Variants in RORA observed in about 807,000 individuals in gnomAD.
The protein encoded by RORA is RAR related orphan receptor A.
Under a neutral mutation model 69.5 loss-of-function variants are expected in RORA, and 7 were observed. The observed-to-expected ratio is 0.10, with a 90% CI of 0.06 to 0.19. RORA has a LOEUF of 0.19. Ranked by LOEUF, RORA falls within the 10% of genes least tolerant of loss-of-function variation. RORA has a pLI of 1.00. For synonymous variants in RORA, 261 were observed against 240.8 expected (o/e 1.08, Z -0.78); for missense variants, 457 against 663.0 (o/e 0.69, Z 3.41).
At chr15:61,160,431 C>T (rs561199490) in intron 1 of RORA, among the ~76,000 whole-genome samples, 1 of 152,312 alleles carries the variant, frequency 6.6e-6, no homozygotes, top group African/African-American at 2.4e-5. Context: ...ACATTTCACA[C>T]TATAGCTATC....
At chr15:60,650,161 A>C (rs1163492375) in intron 2 of RORA, among the ~76,000 whole-genome samples, 1 of 151,890 alleles carries the variant, frequency 6.6e-6, no homozygotes, top group Non-Finnish European at 1.5e-5. Context: ...GAGAAAAAGC[A>C]TTTTCCTTTT....
In RORA at chr15:60,667,774, C is replaced by T. The variant is rs117220108; in HGVS notation, c.196+10883G>A. On this transcript the variant is annotated intron_variant, in intron 2 of 10. Coordinates refer to ENST00000335670, the MANE Select transcript of RORA (RefSeq NM_134261.3). ...AGCTGGGACTATAGGCATGCACCCC[C>T]ATACCCAGCTAATTTTCTTTTTATT... 6.1e-3 allele frequency among the ~76,000 whole-genome samples: 931 copies of T among 152,064 alleles called. 44 individuals carry two copies. In the East Asian group the frequency reaches 0.091, roughly 15 times the overall value.
At chr15:61,008,924 A>T (rs912786616) in intron 1 of RORA, among the ~76,000 whole-genome samples, 9 of 152,186 alleles carry the variant, frequency 5.9e-5, no homozygotes, top group African/African-American at 2.2e-4. Flanking sequence ...ATTTGATGAA[A>T]TTAGAAAGAC....
intron 1 of RORA, among the ~76,000 whole-genome samples, chr15:60,907,982 G>A (rs529414499): frequency 1.4e-4 from 22 of 152,278 alleles, no homozygotes; most frequent in Middle Eastern, 3.4e-3. Flanking sequence ...ACTCAAAGAC[G>A]CCTGGTTCCA....
chr15:60,937,969 G>A (rs1193923009), intron 1 of RORA, among the ~76,000 whole-genome samples: 1 of 152,108 alleles, frequency 6.6e-6, no homozygotes, highest in Non-Finnish European at 1.5e-5. Context: ...ACCTCATGAG[G>A]TGGATCATAT....
chr15:60,860,196 TAG>T lies in RORA; in HGVS notation c.167-181512_167-181511del, dbSNP rs748206308. Among the ~76,000 whole-genome samples, 128 of 152,312 alleles carry T rather than the reference TAG, an allele frequency of 8.4e-4. 2 individuals are homozygous for T. The highest frequency in any genetic ancestry group is 3.9e-4 in the East Asian group (2 of 5,190). ...AAGTTCAGATGACCATGCAAACCTT[TAG>T]ATGGGGCCTAAAACCAAATCTGTGT... On this transcript the variant is annotated intron_variant, in intron 1 of 10. Transcript: ENST00000335670.
chr15:61,139,677 G>A (rs777931891), intron 1 of RORA, among the ~76,000 whole-genome samples: 7 of 152,158 alleles, frequency 4.6e-5, no homozygotes, highest in South Asian at 2.1e-4. Context: ...GAGCTTCAGC[G>A]GAACCCCTTG....
rs563008444 is a variant in RORA, at chr15:60,993,559, C to T, written c.166+235494G>A. ...TCTGGAGGCTGAGGCAGGAGAATTGCTTGAACCCAGGGGGCGGAGGTTGCA... is the reference window on the plus strand; with the variant it reads ...TCTGGAGGCTGAGGCAGGAGAATTGTTTGAACCCAGGGGGCGGAGGTTGCA... On this transcript the variant is annotated intron_variant, in intron 1 of 10. Coordinates refer to ENST00000335670, the MANE Select transcript of RORA (RefSeq NM_134261.3). Among the ~76,000 whole-genome samples the T allele has an allele frequency of 1.5e-3, 214 of 143,754 alleles. 1 individual carries two copies. The highest frequency in any genetic ancestry group is 5.4e-3 in the African/African-American group (207 of 38,606). The allele number at this position is 143,754 out of a possible 152,430, so 94.3% of individuals were successfully genotyped here.
chr15:60,645,801 T>G (rs1375415164), intron 2 of RORA, among the ~76,000 whole-genome samples: 3 of 142,300 alleles, frequency 2.1e-5, no homozygotes, highest in Admixed American at 6.9e-5. Context: ...AATAGGGTTT[T>G]TTTTTTTTTT....
intron 1 of RORA, chr15:60,706,233 T>C (rs138347577): frequency 9.2e-5 from 14 of 152,356 alleles, no homozygotes; most frequent in African/African-American, 1.7e-4. Flanking sequence ...CCACATTACC[T>C]GACTTCCAGC....
intron 1 of RORA, among the ~76,000 whole-genome samples, chr15:60,718,615 T>G (rs946153644): frequency 6.6e-6 from 1 of 152,196 alleles, no homozygotes; most frequent in Non-Finnish European, 1.5e-5. Context: ...CAAACTGACT[T>G]TAAAAGACTA....
At chr15:60,560,475 C>T (rs910634068) in intron 2 of RORA, among the ~76,000 whole-genome samples, 3 of 152,076 alleles carry the variant, frequency 2.0e-5, no homozygotes, top group African/African-American at 7.2e-5. Flanking sequence ...GAGAGGATCA[C>T]TTGAGCTCAG....
chr15:60,684,354 G>A (rs1022016703), intron 1 of RORA, among the ~76,000 whole-genome samples: 1 of 152,152 alleles, frequency 6.6e-6, no homozygotes, highest in Non-Finnish European at 1.5e-5. Context: ...GGTGGCTCAC[G>A]CCTGTAATCC....
intron 2 of RORA, among the ~76,000 whole-genome samples, chr15:60,583,621 G>T (rs191850493): frequency 1.3e-5 from 2 of 152,246 alleles, no homozygotes; most frequent in East Asian, 1.9e-4. Flanking sequence ...ACAGCCTCAG[G>T]GTTCTCTCCT....
chr15:60,886,554 C>T (rs896012781), intron 1 of RORA, among the ~76,000 whole-genome samples: 1 of 152,192 alleles, frequency 6.6e-6, no homozygotes, highest in Admixed American at 6.5e-5. Flanking sequence ...CTGCCAAGGG[C>T]CACCCAGTGA....
chr15:61,109,866 C>T (rs1424814904), intron 1 of RORA, among the ~76,000 whole-genome samples: 1 of 152,188 alleles, frequency 6.6e-6, no homozygotes, highest in Non-Finnish European at 1.5e-5. Flanking sequence ...GTGCCTATGG[C>T]ATTCTAAGTA....
rs147192140 is a variant in RORA, at chr15:60,514,635, G to C, written c.405C>G (p.Ala135=). ...CQHCRLQKCL[A]VGMSRDAVKF... ...GCTCACCATCTCGAGACATCCCTAC[G>C]GCAAGGCATTTCTGTAATCGACAGT... The change falls in exon 4 of 11, where the codon GCC becomes GCG. Residue 135 remains alanine, a synonymous_variant. Transcript: ENST00000335670. 1.9e-6 allele frequency: 3 copies of C among 1,614,020 alleles called. No homozygotes were observed. Among genetic ancestry groups the C allele is most frequent in the Non-Finnish European group, 2.5e-6 (3 of 1,179,960 alleles).
At chr15:60,997,159 G>A (rs1441534921) in intron 1 of RORA, among the ~76,000 whole-genome samples, 1 of 152,046 alleles carries the variant, frequency 6.6e-6, no homozygotes, top group Non-Finnish European at 1.5e-5. Context: ...AGTACTAGCT[G>A]GGAGCTTGGA....
At chr15:60,719,087 T>G (rs367622611) in intron 1 of RORA, among the ~76,000 whole-genome samples, 2 of 152,114 alleles carry the variant, frequency 1.3e-5, no homozygotes, top group East Asian at 3.9e-4. Context: ...GCAAAAGGCC[T>G]GATGAAAACT....
Sources: gnomAD v4.1 joint callset for allele counts (sites outside exome capture counted in the v4.1 genomes callset) on GRCh38, gnomAD v4.1.1 for gene constraint, MANE v1.5 for transcripts, NCBI Gene and HGNC (gene_info 2026-07-23, HGNC 2026-07-21) for gene names.